The following ENOX1 variants were observed in gnomAD, a reference collection of about 807,000 sequenced individuals.
ENOX1 encodes the protein candidate growth-related and time keeping constitutive hydroquinone (NADH) oxidase.
In ENOX1, 42 loss-of-function variants were observed where a neutral mutation model predicts 82.5. That is an observed-to-expected ratio of 0.51 (90% CI 0.40 to 0.66). ENOX1 has a LOEUF of 0.66. Ranked by LOEUF, ENOX1 falls within the 30% of genes least tolerant of loss-of-function variation. ENOX1 has a pLI of 0.00. For missense variants in ENOX1, 608 were observed against 811.6 expected, an observed-to-expected ratio of 0.75 and a Z score of 3.05; for synonymous variants, 271 against 282.2, an observed-to-expected ratio of 0.96 and a Z score of 0.40.
intron 2 of ENOX1, among the ~76,000 whole-genome samples, chr13:43,556,001 A>G (rs2079419449): frequency 6.6e-6 from 1 of 152,154 alleles, no homozygotes; most frequent in African/African-American, 2.4e-5. Context: ...ATCTTCTCAA[A>G]TCTCCCCTTA....
chr13:43,742,180 T>G (rs1004724788), intron 1 of ENOX1, among the ~76,000 whole-genome samples: 1 of 152,044 alleles, frequency 6.6e-6, no homozygotes, highest in Non-Finnish European at 1.5e-5. Flanking sequence ...AATAGATATA[T>G]AGAGACATAT....
At chr13:43,593,554 T>C (rs2081332811) in intron 2 of ENOX1, among the ~76,000 whole-genome samples, 1 of 151,878 alleles carries the variant, frequency 6.6e-6, no homozygotes, top group Non-Finnish European at 1.5e-5. Context: ...GGAGTGTTCG[T>C]ACTCAGCAGG....
intron 1 of ENOX1, among the ~76,000 whole-genome samples, chr13:43,722,216 C>T (rs893310905): frequency 6.6e-6 from 1 of 152,168 alleles, no homozygotes; most frequent in Non-Finnish European, 1.5e-5. Flanking sequence ...GCTTTATACA[C>T]ATGTTAGTTA....
At chr13:43,378,000 C>T (rs2051762260) in intron 5 of ENOX1, among the ~76,000 whole-genome samples, 1 of 152,040 alleles carries the variant, frequency 6.6e-6, no homozygotes, top group Non-Finnish European at 1.5e-5. Context: ...TCATTGTTGC[C>T]CATCTCAAAA....
chr13:43,563,880 A>C (rs2153706606), intron 2 of ENOX1, among the ~76,000 whole-genome samples: 1 of 152,112 alleles, frequency 6.6e-6, no homozygotes, highest in East Asian at 1.9e-4. Flanking sequence ...AAAGCCCAGG[A>C]CCTGAGGGCT....
At chr13:43,719,346 C>CACA (rs2088399441) in intron 1 of ENOX1, among the ~76,000 whole-genome samples, 3 of 149,982 alleles carry the variant, frequency 2.0e-5, no homozygotes, top group Non-Finnish European at 4.4e-5. Context: ...CACACACACA[C>CACA]ACCAGCAATC....
chr13:43,533,919 A>G (rs1416480492), intron 2 of ENOX1, among the ~76,000 whole-genome samples: 2 of 152,124 alleles, frequency 1.3e-5, no homozygotes, highest in Non-Finnish European at 2.9e-5. Context: ...AGAATGCTAA[A>G]GAGAGTAGAA....
Position 43,507,955 on chromosome 13 carries a change from C to T in ENOX1, c.-218-23803G>A, listed in dbSNP as rs547530767. On this transcript the variant is annotated intron_variant, in intron 2 of 16. Coordinates refer to ENST00000690772, the MANE Select transcript of ENOX1 (RefSeq NM_001347969.2). ...ATTGATTTTTAACCATTAGAATCAA[C>T]CTAACAATATTACAACTAGAGTTGT... 3.3e-5 allele frequency among the ~76,000 whole-genome samples: 5 copies of T among 151,982 alleles called. No homozygotes were observed. In the South Asian group the frequency reaches 1.0e-3, roughly 32 times the overall value.
At chr13:43,320,955 C>T in intron 11 of ENOX1, 1 of 380,212 alleles carries the variant, frequency 2.6e-6, no homozygotes, top group Non-Finnish European at 5.3e-6. Flanking sequence ...TAAACAAACC[C>T]AAGAGTAAAG....
At chr13:43,592,176 G>A (rs1026242081) in intron 2 of ENOX1, among the ~76,000 whole-genome samples, 3 of 152,202 alleles carry the variant, frequency 2.0e-5, no homozygotes, top group African/African-American at 7.2e-5. Context: ...GATATAAAAT[G>A]TGAAAGGAGT....
chr13:43,748,534 A>T (rs1288901796), intron 1 of ENOX1, among the ~76,000 whole-genome samples: 1 of 152,202 alleles, frequency 6.6e-6, no homozygotes, highest in African/African-American at 2.4e-5. Context: ...AGTTAAAAAC[A>T]TAAGTATTTC....
Position 43,298,403 on chromosome 13 carries a change from GT to G in ENOX1, c.1388del (p.Asn463ThrfsTer23). The G allele has an allele frequency of 6.2e-7, 1 of 1,613,684 alleles. No homozygotes were observed. Among genetic ancestry groups the G allele is most frequent in the Non-Finnish European group, 8.5e-7 (1 of 1,179,950 alleles). Reference protein sequence around the residue: ...EKEQLFRTEENLTKDQQLQFL... With the variant: ...EKEQLFRTEEXLTKDQQLQFL... Reference sequence around the variant, plus strand: ...ACTGCAGTTGCTGGTCCTTGGTGAGGTTTTCTTCTGTTCGGAAAAGCTGTTC... The same window carrying G: ...ACTGCAGTTGCTGGTCCTTGGTGAGGTTTCTTCTGTTCGGAAAAGCTGTTC... On this transcript the variant is annotated frameshift_variant, in exon 12 of 17. Transcript: ENST00000690772. LOFTEE classifies it high-confidence loss of function.
intron 1 of ENOX1, among the ~76,000 whole-genome samples, chr13:43,678,538 G>A (rs1439338361): frequency 6.6e-6 from 1 of 152,162 alleles, no homozygotes; most frequent in Non-Finnish European, 1.5e-5. Context: ...ATGTCAGCTG[G>A]AGAGTTAAAT....
chr13:43,450,836 CA>C (rs1451523530), intron 3 of ENOX1, among the ~76,000 whole-genome samples: 1 of 152,084 alleles, frequency 6.6e-6, no homozygotes, highest in East Asian at 1.9e-4. Context: ...GAAGGTTTAG[CA>C]TCCCAAGTCC....
rs191077076 is a variant in ENOX1, at chr13:43,389,460, C to G, written c.208+22456G>C. ...TTATACAGGGCAATTTTGGAAATAT[C>G]AAAATTTAAAATATGCATTCCTCTG... On this transcript the variant is annotated intron_variant, in intron 5 of 16. Coordinates refer to ENST00000690772, the MANE Select transcript of ENOX1 (RefSeq NM_001347969.2). Among the ~76,000 whole-genome samples, 4 of 152,220 alleles carry G rather than the reference C, an allele frequency of 2.6e-5. No homozygotes were observed. The East Asian group carries it at 7.7e-4, about 29-fold the overall frequency.
At chr13:43,656,754 C>G (rs1346585810) in intron 2 of ENOX1, among the ~76,000 whole-genome samples, 1 of 152,130 alleles carries the variant, frequency 6.6e-6, no homozygotes, top group Non-Finnish European at 1.5e-5. Flanking sequence ...CTGTCAGTAC[C>G]CTCTGTGAAA....
intron 15 of ENOX1, among the ~76,000 whole-genome samples, chr13:43,232,955 A>G (rs1354342248): frequency 6.6e-6 from 1 of 152,212 alleles, no homozygotes; most frequent in Non-Finnish European, 1.5e-5. Flanking sequence ...AATAAAAAAA[A>G]TTTGATCCAT....
At position 43,410,734 on chromosome 13, in the gene ENOX1, C is replaced by G. The variant is rs118088248; in HGVS notation, c.208+1182G>C. 1.4e-4 allele frequency among the ~76,000 whole-genome samples: 22 copies of G among 152,174 alleles called. No individual in the cohort carries two copies. The East Asian group carries it at 4.1e-3, about 28-fold the overall frequency. ...ACACAACAAAAAACAAATGCTTGGT[C>G]AACTCAGCATGAAGTGCACAGGTAT... On this transcript the variant is annotated intron_variant, in intron 5 of 16. Transcript: ENST00000690772.
At position 43,605,128 on chromosome 13, in the gene ENOX1, AAAT is replaced by A. The variant is rs149746321; in HGVS notation, c.-219+62348_-219+62350del. Among the ~76,000 whole-genome samples, 995 of 152,248 alleles carry A rather than the reference AAAT, an allele frequency of 6.5e-3. 9 individuals carry two copies. The highest frequency in any genetic ancestry group is 0.023 in the African/African-American group (964 of 41,566). On this transcript the variant is annotated intron_variant, in intron 2 of 16. Transcript: ENST00000690772. ...TATTTTACAAAAATATCTACAATGA[AAAT>A]AATAAAATACTGATGGAAGAAATTG... is the stretch of plus-strand genomic sequence containing the variant.
Sources: allele counts gnomAD v4.1 joint callset (sites outside exome capture counted in the v4.1 genomes callset), GRCh38; gene constraint gnomAD v4.1.1; transcripts MANE v1.5; gene names NCBI Gene and HGNC (gene_info 2026-07-23, HGNC 2026-07-21).